PHLPP2: variants seen among roughly 807,000 people sequenced by gnomAD.
PHLPP2 encodes the protein PH domain leucine-rich repeat-containing protein phosphatase 2.
In PHLPP2, 66 loss-of-function variants were observed where a neutral mutation model predicts 124.9. That is an observed-to-expected ratio of 0.53 (90% CI 0.43 to 0.65). The LOEUF is 0.65. Among genes scored for constraint, PHLPP2 ranks in the 30% least tolerant of loss-of-function variants. PHLPP2 has a pLI of 0.00. For synonymous variants in PHLPP2, 681 were observed against 624.7 expected (o/e 1.09, Z -1.34); for missense variants, 1,685 against 1,600.4 (o/e 1.05, Z -0.90).
Position 71,715,214 on chromosome 16 carries a change from G to C in PHLPP2, c.-6-413C>G, listed in dbSNP as rs567343241. 4.6e-4 allele frequency: 82 copies of C among 179,360 alleles called. 1 individual carries two copies. The highest frequency in any genetic ancestry group is 8.8e-4 in the Non-Finnish European group (75 of 84,938). The allele number at this position is 179,360 out of a possible 1,614,324, so 11.1% of individuals were successfully genotyped here. A position where few individuals can be genotyped will look rare whatever the true frequency, so the allele number is the denominator to read the frequency against. On this transcript the variant is annotated intron_variant, in intron 1 of 18. Transcript: ENST00000568954. ...AAAAGAAATTTTTTTTTATATATTA[G>C]CCAGGCATGGTGGCACACGCCTGTA... is the stretch of plus-strand genomic sequence containing the variant.
intron 12 of PHLPP2, 169 bp from the exon 13 acceptor site, chr16:71,664,268 A>C: frequency 1.6e-6 from 1 of 609,658 alleles, no homozygotes; most frequent in Admixed American, 2.9e-5. Flanking sequence ...TCCAACCCAA[A>C]GTTCCTTTTA....
chr16:71,682,746 A>G (rs1290860246), intron 5 of PHLPP2, among the ~76,000 whole-genome samples: 1 of 152,258 alleles, frequency 6.6e-6, no homozygotes, highest in Non-Finnish European at 1.5e-5. Context: ...TTATAGCCAG[A>G]TTTTATAGCC....
At chr16:71,695,567 G>C (rs1422792702) in intron 3 of PHLPP2, among the ~76,000 whole-genome samples, 3 of 152,124 alleles carry the variant, frequency 2.0e-5, no homozygotes, top group Non-Finnish European at 4.4e-5. Flanking sequence ...AAATTAGCTG[G>C]GTGTGGTGGT....
intron 6 of PHLPP2, among the ~76,000 whole-genome samples, chr16:71,680,588 T>C (rs1329591261): frequency 6.6e-6 from 1 of 152,232 alleles, no homozygotes; most frequent in African/African-American, 2.4e-5. Flanking sequence ...ACTCTGGTAA[T>C]TCCACTGGGG....
rs964009429 is a variant in PHLPP2 at position 71,721,720 on chromosome 16, T to G, written c.-7+2609A>C. Among the ~76,000 whole-genome samples the G allele has an allele frequency of 2.6e-5, 4 of 152,112 alleles. No individual in the cohort carries two copies. In the East Asian group the frequency reaches 7.7e-4, roughly 29 times the overall value. ...ACACACACCGACATTAGCTGTAACT[T>G]CCTATCTTCTATAAGCTGAGTAAAA... On this transcript the variant is annotated intron_variant, in intron 1 of 18. Coordinates refer to ENST00000568954, the MANE Select transcript of PHLPP2 (RefSeq NM_015020.3).
In PHLPP2 at chr16:71,649,231, C is replaced by T. The variant is rs1157250828; in HGVS notation, c.3631G>A (p.Val1211Met). 1.9e-6 allele frequency: 3 copies of T among 1,613,986 alleles called. No homozygotes were observed. Among genetic ancestry groups the T allele is most frequent in the East Asian group, 2.2e-5 (1 of 44,870 alleles). The change falls in exon 19 of 19, where the codon GTG (valine) becomes ATG (methionine). Residue 1211 changes from valine to methionine, a missense_variant. By Grantham distance (21) the Val-to-Met change is conservative. Coordinates refer to ENST00000568954, the MANE Select transcript of PHLPP2 (RefSeq NM_015020.3). ...ATTGGCAGGAGCATGCCACTATTCA[C>T]ACTGTTCTGTCTTCGGATCCCAAAA... ...SCFGIRRQNS[V>M]NSGMLLPMSK...
chr16:71,684,293 T>C (rs1238258889), intron 5 of PHLPP2, among the ~76,000 whole-genome samples, 183 bp downstream of exon 5: 2 of 151,080 alleles, frequency 1.3e-5, no homozygotes, highest in East Asian at 3.9e-4. Context: ...ACCCAGCTAA[T>C]TTTTTGTATT....
chr16:71,717,815 G>A (rs924335188), intron 1 of PHLPP2, among the ~76,000 whole-genome samples: 4 of 152,106 alleles, frequency 2.6e-5, no homozygotes, highest in East Asian at 1.9e-4. Context: ...CAAAAAAGTC[G>A]TCTTCAGAAC....
In PHLPP2 at chr16:71,681,759, T is replaced by A; in HGVS notation, c.882A>T (p.Thr294=). 1 of 1,612,362 alleles carries A rather than the reference T, an allele frequency of 6.2e-7. No individual in the cohort carries two copies. ...ACCCATTCTCCACATACTTGTAGAG[T>A]GTATCGAGGCCTCCGGGTCTTTCTA... ...MQLERPGGLD[T]LYKFSQLKGL... Residue 294 remains threonine (T), a synonymous_variant, in exon 6 of 19, where the codon ACA becomes ACT. Transcript: ENST00000568954.
Position 71,655,520 on chromosome 16 carries a change from T to G in PHLPP2, c.2391-86A>C, listed in dbSNP as rs2044734904. ...GGAGCATTCTTTTTTTTTTTTTTTTTGAGAGGGAGTCTTGCACTGTCACCC... is the reference window on the plus strand; with the variant it reads ...GGAGCATTCTTTTTTTTTTTTTTTTGGAGAGGGAGTCTTGCACTGTCACCC... On this transcript the variant is annotated intron_variant, in intron 16 of 18. Coordinates refer to ENST00000568954, the MANE Select transcript of PHLPP2 (RefSeq NM_015020.3). 5.6e-6 allele frequency: 5 copies of G among 899,478 alleles called. No individual in the cohort carries two copies. In the South Asian group the frequency reaches 8.4e-5, roughly 15 times the overall value. 55.7% of individuals were successfully genotyped at this position (899,478 alleles called of 1,614,324 possible).
In PHLPP2 at chr16:71,724,500, GCCTGT is replaced by G. The variant is rs2045420602; in HGVS notation, c.-183_-179del. On this transcript the variant is annotated 5_prime_UTR_variant, in exon 1 of 19. Coordinates refer to ENST00000568954, the MANE Select transcript of PHLPP2 (RefSeq NM_015020.3). ...GTGCTCTGCTTCAAGCAGTAATATG[GCCTGT>G]GACCCGGTTTATGATTTATTTGCAA... The G allele has an allele frequency of 6.6e-6, 1 of 152,192 alleles. No individual in the cohort carries two copies. 9.4% of individuals were successfully genotyped at this position (152,192 alleles called of 1,614,324 possible).
In PHLPP2 at chr16:71,676,574, G is replaced by A; in HGVS notation, c.1344C>T (p.Asp448=). Residue 448 remains aspartate, a synonymous_variant, in exon 9 of 19, where the codon GAC becomes GAT. Coordinates refer to ENST00000568954, the MANE Select transcript of PHLPP2 (RefSeq NM_015020.3). ...NKHITHVDLR[D]NRLTDLDLSS... ...TAAGATCCAAGTCAGTCAGTCGGTT[G>A]TCCCGCAGATCCACGTGGGTGATGT... is the stretch of plus-strand genomic sequence containing the variant. 1 of 1,613,950 alleles carries A rather than the reference G, an allele frequency of 6.2e-7. No individual in the cohort carries two copies.
intron 9 of PHLPP2, among the ~76,000 whole-genome samples, chr16:71,675,760 T>C (rs563259805): frequency 2.0e-5 from 3 of 152,270 alleles, no homozygotes; most frequent in East Asian, 1.9e-4. Context: ...TCTCACCCAG[T>C]TCTCTCATGA....
intron 9 of PHLPP2, among the ~76,000 whole-genome samples, chr16:71,675,718 TTC>T (rs1184341641): frequency 6.6e-6 from 1 of 151,762 alleles, no homozygotes; most frequent in Non-Finnish European, 1.5e-5. Flanking sequence ...CACAAAATTC[TTC>T]TTTCTTTTTT....
chr16:71,719,860 C>T (rs1191492183), intron 1 of PHLPP2, among the ~76,000 whole-genome samples: 2 of 151,920 alleles, frequency 1.3e-5, no homozygotes, highest in East Asian at 1.9e-4. Flanking sequence ...TGCCGTGGCA[C>T]GATCTCGGCT....
intron 9 of PHLPP2, among the ~76,000 whole-genome samples, chr16:71,672,577 A>G (rs2145329265): frequency 6.6e-6 from 1 of 152,384 alleles, no homozygotes; most frequent in Admixed American, 6.5e-5. Context: ...CAGTAGTTAA[A>G]TGTTAACAGT....
In PHLPP2 at chr16:71,667,341, G is replaced by T; in HGVS notation, c.1629-8C>A. The T allele has an allele frequency of 1.9e-6, 3 of 1,607,600 alleles. No homozygotes were observed. The highest frequency in any genetic ancestry group is 2.6e-6 in the Non-Finnish European group (3 of 1,175,166). On this transcript the variant is annotated splice_polypyrimidine_tract_variant and splice_region_variant and intron_variant, in intron 11 of 18. Coordinates refer to ENST00000568954, the MANE Select transcript of PHLPP2 (RefSeq NM_015020.3). ...CTCAAGCTACTCAGAATTCTAAGGG[G>T]GGAGCATACAAACAAACACATTAAA... is the stretch of plus-strand genomic sequence containing the variant.
chr16:71,719,517 G>C (rs1009553256), intron 1 of PHLPP2, among the ~76,000 whole-genome samples: 1 of 152,102 alleles, frequency 6.6e-6, no homozygotes, highest in African/African-American at 2.4e-5. Flanking sequence ...TCCAGCGTGG[G>C]CTACACAATG....
At position 71,706,318 on chromosome 16, in the gene PHLPP2, G is replaced by C. The variant is rs2045273929; in HGVS notation, c.285-3587C>G. ...ACAGCAGATTATACCGCTTAGCCAA[G>C]AGTAGTATCATTCTGTATTAGTTAT... On this transcript the variant is annotated intron_variant, in intron 2 of 18. Transcript: ENST00000568954. 3.3e-5 allele frequency among the ~76,000 whole-genome samples: 5 copies of C among 152,216 alleles called. No individual in the cohort carries two copies. The South Asian group carries it at 1.0e-3, about 31-fold the overall frequency.
Sources: gnomAD v4.1 joint callset for allele counts (sites outside exome capture counted in the v4.1 genomes callset) on GRCh38, gnomAD v4.1.1 for gene constraint, MANE v1.5 for transcripts, NCBI Gene and HGNC (gene_info 2026-07-23, HGNC 2026-07-21) for gene names.